Variants in EFR3A observed in about 807,000 individuals in gnomAD.
EFR3A encodes the protein protein EFR3 homolog A.
Under a neutral mutation model 104.4 loss-of-function variants are expected in EFR3A, and 76 were observed. The observed-to-expected ratio is 0.73, with a 90% CI of 0.60 to 0.88. The LOEUF (loss-of-function observed/expected upper bound fraction) is 0.88, where lower values mean the gene tolerates loss of function less well. Ranked by LOEUF, EFR3A falls within the 40% of genes least tolerant of loss-of-function variation. EFR3A has a pLI of 0.00. For missense variants in EFR3A, 985 were observed against 1,012.5 expected (o/e 0.97, Z 0.37); for synonymous variants, 330 against 330.0 (o/e 1.00, Z 0.00).
chr8:131,999,977 A>G (rs1821707193), intron 19 of EFR3A, among the ~76,000 whole-genome samples: 1 of 152,150 alleles, frequency 6.6e-6, no homozygotes, highest in African/African-American at 2.4e-5. Context: ...TAGAGTAGCC[A>G]GGCTGGAGGT....
chr8:131,935,964 T>A lies in EFR3A; in HGVS notation c.11-4535T>A, dbSNP rs10956623. Among the ~76,000 whole-genome samples, 3 of 151,920 alleles carry A rather than the reference T, an allele frequency of 2.0e-5. No individual in the cohort carries two copies. In the East Asian group the frequency reaches 5.8e-4, roughly 30 times the overall value. On this transcript the variant is annotated intron_variant, in intron 1 of 22. Transcript: ENST00000254624. The stretch of plus-strand genomic sequence containing the variant: ...AAGTACTCAGTGGTCAACCAACCAC[T>A]TACAATATTGGTTCCCAGTATTCAG...
At chr8:131,953,466 A>G (rs969979291) in intron 5 of EFR3A, among the ~76,000 whole-genome samples, 11 of 152,112 alleles carry the variant, frequency 7.2e-5, no homozygotes, top group Admixed American at 6.6e-4. Flanking sequence ...TCCTGTTTTC[A>G]CTCAGCTCTT....
intron 1 of EFR3A, among the ~76,000 whole-genome samples, chr8:131,922,161 C>T (rs1817065173): frequency 2.0e-5 from 3 of 152,122 alleles, no homozygotes; most frequent in African/African-American, 7.2e-5. Context: ...TTCATGCAGC[C>T]TTCTTGTGTG....
In EFR3A at chr8:131,985,204, CAGCTAAAACTGT is replaced by C. The variant is rs1820815578; in HGVS notation, c.1869+150_1869+161del. On this transcript the variant is annotated intron_variant, in intron 16 of 22. Transcript: ENST00000254624. ...ATCTACAGCCAGTAAACTGAAACTA[CAGCTAAAACTGT>C]AGCTACTGTTTTTATATTTTCTTAG... 4 of 792,184 alleles carry C rather than the reference CAGCTAAAACTGT, an allele frequency of 5.0e-6. No individual in the cohort carries two copies. In the African/African-American group the frequency reaches 6.9e-5, roughly 14 times the overall value. The allele number at this position is 792,184 out of a possible 1,614,324, so 49.1% of individuals were successfully genotyped here. A position where few individuals can be genotyped will look rare whatever the true frequency, so the allele number is the denominator to read the frequency against.
At chr8:131,950,928 T>C (rs937524335) in intron 5 of EFR3A, among the ~76,000 whole-genome samples, 9 of 152,076 alleles carry the variant, frequency 5.9e-5, no homozygotes, top group Non-Finnish European at 1.2e-4. Flanking sequence ...ATGAGAAACT[T>C]TAAAGTTAAG....
chr8:131,947,272 T>C (rs985191622), intron 4 of EFR3A, among the ~76,000 whole-genome samples: 41 of 152,058 alleles, frequency 2.7e-4, no homozygotes, highest in African/African-American at 9.7e-4. Context: ...TAATGATTAA[T>C]GGTAAAACTC....
At chr8:131,982,632 G>T (rs900427554) in intron 14 of EFR3A, among the ~76,000 whole-genome samples, 3 of 151,902 alleles carry the variant, frequency 2.0e-5, no homozygotes, top group South Asian at 2.1e-4. Flanking sequence ...ATCTAATATG[G>T]TGACTATGTA....
intron 1 of EFR3A, among the ~76,000 whole-genome samples, chr8:131,933,355 G>C (rs1817713384): frequency 6.6e-6 from 1 of 152,042 alleles, no homozygotes; most frequent in East Asian, 1.9e-4. Flanking sequence ...ACAGTGGTGG[G>C]GCAGAGGTAT....
Position 131,966,232 on chromosome 8 carries a change from G to A in EFR3A, c.856-2063G>A, listed in dbSNP as rs528057458. 1.9e-3 allele frequency among the ~76,000 whole-genome samples: 289 copies of A among 151,710 alleles called. 2 individuals are homozygous for A. The highest frequency in any genetic ancestry group is 6.6e-3 in the African/African-American group (273 of 41,400). ...TAATAAAAAAATAAATAAATAAAAA[G>A]CAACAAAAAAAAGAGTTTCTGCATG... On this transcript the variant is annotated intron_variant, in intron 8 of 22. Transcript: ENST00000254624.
At chr8:131,940,773 A>G in intron 2 of EFR3A, 198 bp downstream of exon 2, 2 of 865,960 alleles carry the variant, frequency 2.3e-6, no homozygotes, top group Non-Finnish European at 3.3e-6. Context: ...TCCTTTTAGT[A>G]GATTAGGCAC....
At chr8:131,978,713 T>G (rs1179073342) in intron 12 of EFR3A, 134 bp from the exon 13 acceptor site, 20 of 697,046 alleles carry the variant, frequency 2.9e-5, no homozygotes, top group Non-Finnish European at 2.2e-5. Flanking sequence ...CTTTGCACAT[T>G]TCTTTTATGT....
At chr8:131,943,046 A>T (rs1355874632) in intron 2 of EFR3A, among the ~76,000 whole-genome samples, 9 of 152,050 alleles carry the variant, frequency 5.9e-5, no homozygotes, top group African/African-American at 2.2e-4. Context: ...CTAATCCAAA[A>T]ACCTGAAATC....
intron 1 of EFR3A, among the ~76,000 whole-genome samples, chr8:131,915,595 T>C (rs1190793097): frequency 6.6e-6 from 1 of 152,174 alleles, no homozygotes; most frequent in Non-Finnish European, 1.5e-5. Context: ...AGAATGGTGC[T>C]ATTGGGGGCC....
At chr8:131,929,529 A>G (rs1817479622) in intron 1 of EFR3A, among the ~76,000 whole-genome samples, 1 of 152,136 alleles carries the variant, frequency 6.6e-6, no homozygotes, top group East Asian at 1.9e-4. Flanking sequence ...ATTATCTCAT[A>G]GCAACCTGTG....
chr8:131,941,522 A>T (rs1586574034), intron 2 of EFR3A, among the ~76,000 whole-genome samples: 1 of 152,160 alleles, frequency 6.6e-6, no homozygotes, highest in Admixed American at 6.6e-5. Context: ...ATTGGCTGCC[A>T]GATATCCTGG....
At chr8:131,989,931 A>G (rs1563696452) in intron 18 of EFR3A, among the ~76,000 whole-genome samples, 1 of 152,266 alleles carries the variant, frequency 6.6e-6, no homozygotes, top group Non-Finnish European at 1.5e-5. Context: ...TTATCAACCT[A>G]GAATTCGAAT....
intron 1 of EFR3A, among the ~76,000 whole-genome samples, chr8:131,930,028 C>G (rs146908277): frequency 6.6e-6 from 1 of 152,118 alleles, no homozygotes; most frequent in Non-Finnish European, 1.5e-5. Flanking sequence ...AAGGAAGGCA[C>G]ATTGATTCAA....
intron 1 of EFR3A, among the ~76,000 whole-genome samples, chr8:131,937,965 A>G (rs1817989765): frequency 6.6e-6 from 1 of 151,658 alleles, no homozygotes; most frequent in African/African-American, 2.4e-5. Context: ...TGTATGAAAA[A>G]CCTACTTTTA....
rs774360397 is a variant in EFR3A, at chr8:131,984,193, G to A, written c.1630G>A (p.Val544Ile). The A allele has an allele frequency of 1.8e-5, 29 of 1,612,286 alleles. No individual in the cohort carries two copies. In the Admixed American group the frequency reaches 2.7e-4, roughly 15 times the overall value. Residue 544 changes from valine to isoleucine, a missense_variant, in exon 15 of 23, where the codon GTT (valine) becomes ATT (isoleucine). Coordinates refer to ENST00000254624, the MANE Select transcript of EFR3A (RefSeq NM_015137.6). Reference protein sequence around the residue: ...IYLGCKEEDNVQKNYELLYTS... With the variant: ...IYLGCKEEDNIQKNYELLYTS... ...TTTGGGTTGTAAAGAGGAAGACAACGTTCAGAAAAACTATGAACTACTTTA... is the reference window on the plus strand; with the variant it reads ...TTTGGGTTGTAAAGAGGAAGACAACATTCAGAAAAACTATGAACTACTTTA...
Sources: allele counts gnomAD v4.1 joint callset (sites outside exome capture counted in the v4.1 genomes callset), GRCh38; gene constraint gnomAD v4.1.1; transcripts MANE v1.5; gene names NCBI Gene and HGNC (gene_info 2026-07-23, HGNC 2026-07-21).